Variants in ARHGAP42 observed in about 807,000 individuals in gnomAD.
The protein encoded by ARHGAP42 is rho GTPase-activating protein 42.
Under a neutral mutation model 125.0 loss-of-function variants are expected in ARHGAP42, and 63 were observed. The ratio of observed to expected loss-of-function variants is 0.50; its 90% CI spans 0.41 to 0.62. The LOEUF (loss-of-function observed/expected upper bound fraction) is 0.62. Ranked by LOEUF, ARHGAP42 falls within the 20% of genes least tolerant of loss-of-function variation. ARHGAP42 has a pLI of 0.00. For synonymous variants in ARHGAP42, 339 were observed against 351.0 expected (o/e 0.97, Z 0.38); for missense variants, 766 against 1,024.2 (o/e 0.75, Z 3.44).
intron 16 of ARHGAP42, among the ~76,000 whole-genome samples, chr11:100,963,150 C>T (rs1020642137): frequency 2.0e-5 from 3 of 152,318 alleles, no homozygotes; most frequent in Non-Finnish European, 4.4e-5. Context: ...GTGCTGTATT[C>T]CTCAATCTGG....
At chr11:100,876,988 C>T (rs1052732962) in intron 4 of ARHGAP42, among the ~76,000 whole-genome samples, 1 of 152,026 alleles carries the variant, frequency 6.6e-6, no homozygotes, top group African/African-American at 2.4e-5. Flanking sequence ...CTGTAGAAAC[C>T]CAGTGAGAAG....
At chr11:100,914,509 GAACAACAACAAC>G (rs138419731) in intron 5 of ARHGAP42, among the ~76,000 whole-genome samples, 5 of 150,908 alleles carry the variant, frequency 3.3e-5, no homozygotes, top group African/African-American at 1.2e-4. Context: ...GTCACCTTGA[GAACAACAACAAC>G]AACAACAACA....
At chr11:100,913,367 A>G (rs1370987632) in intron 4 of ARHGAP42, 85 bp from the exon 5 acceptor site, 9 of 442,900 alleles carry the variant, frequency 2.0e-5, no homozygotes, top group South Asian at 7.3e-5. Flanking sequence ...AAATAATTAC[A>G]TGGGACTTTG....
At chr11:100,723,910 C>T (rs150920534) in intron 1 of ARHGAP42, among the ~76,000 whole-genome samples, 1 of 152,112 alleles carries the variant, frequency 6.6e-6, no homozygotes, top group African/African-American at 2.4e-5. Flanking sequence ...TCATCTTTAT[C>T]AAATTGAGGA....
chr11:100,838,746 TA>T (rs1032984378), intron 3 of ARHGAP42, among the ~76,000 whole-genome samples: 117 of 152,146 alleles, frequency 7.7e-4, no homozygotes, highest in Admixed American at 1.4e-3. Flanking sequence ...TCATAGTGTT[TA>T]AAAAAATCTA....
chr11:100,716,164 C>T (rs1271391731), intron 1 of ARHGAP42, among the ~76,000 whole-genome samples: 2 of 152,194 alleles, frequency 1.3e-5, no homozygotes, highest in East Asian at 1.9e-4. Context: ...CCGTAAGCTT[C>T]ATGGGGACTT....
At chr11:100,837,663 ATCCTT>A (rs1273750868) in intron 3 of ARHGAP42, among the ~76,000 whole-genome samples, 80 of 35,380 alleles carry the variant, frequency 2.3e-3, no homozygotes, top group African/African-American at 3.7e-3. Flanking sequence ...TCTAGGTGTC[ATCCTT>A]TTTTTTTTTT....
chr11:100,877,968 G>A (rs1865863444), intron 4 of ARHGAP42, among the ~76,000 whole-genome samples: 2 of 135,290 alleles, frequency 1.5e-5, no homozygotes, highest in Admixed American at 8.2e-5. Flanking sequence ...TCATACCACT[G>A]CACTCCAGCC....
intron 22 of ARHGAP42, among the ~76,000 whole-genome samples, chr11:100,983,069 C>T (rs535747): frequency 0.26 from 39,457 of 152,032 alleles, 6,332 homozygotes; most frequent in East Asian, 0.7. Context: ...AAATTTGGTG[C>T]ACAGCCTTCT....
intron 3 of ARHGAP42, among the ~76,000 whole-genome samples, chr11:100,849,792 T>C (rs1036823661): frequency 6.6e-6 from 1 of 152,204 alleles, no homozygotes; most frequent in African/African-American, 2.4e-5. Context: ...TTTTCTTAGC[T>C]GTACAAGTTC....
In ARHGAP42 at chr11:100,775,895, C is replaced by T. The variant is rs528110159; in HGVS notation, c.250+5457C>T. On this transcript the variant is annotated intron_variant, in intron 2 of 23. Coordinates refer to ENST00000298815, the MANE Select transcript of ARHGAP42 (RefSeq NM_152432.4). The stretch of plus-strand genomic sequence containing the variant: ...GATATTGTGGCCGGGTACGGTGGCT[C>T]ACGCTTGTAATCCCAGCACTTTGGG... Among the ~76,000 whole-genome samples, 22 of 152,244 alleles carry T rather than the reference C, an allele frequency of 1.4e-4. No individual in the cohort carries two copies. The South Asian group carries it at 4.4e-3, about 30-fold the overall frequency.
At chr11:100,748,614 C>T (rs949670990) in intron 1 of ARHGAP42, among the ~76,000 whole-genome samples, 1 of 143,798 alleles carries the variant, frequency 7.0e-6, no homozygotes, top group African/African-American at 2.4e-5. Context: ...ATGAGGTGTG[C>T]TCACAATGAG....
At chr11:100,863,055 A>T (rs1439876421) in intron 4 of ARHGAP42, among the ~76,000 whole-genome samples, 3 of 60,130 alleles carry the variant, frequency 5.0e-5, no homozygotes, top group Non-Finnish European at 6.5e-5. Context: ...AAAAAAAAAC[A>T]CAAAACACAC....
At chr11:100,924,364 G>A (rs1425410139) in intron 6 of ARHGAP42, among the ~76,000 whole-genome samples, 1 of 151,980 alleles carries the variant, frequency 6.6e-6, no homozygotes, top group Non-Finnish European at 1.5e-5. Context: ...GTATTCATGT[G>A]CTATTAAGAA....
intron 1 of ARHGAP42, among the ~76,000 whole-genome samples, chr11:100,690,892 G>T (rs781115929): frequency 2.0e-5 from 3 of 152,056 alleles, no homozygotes; most frequent in Non-Finnish European, 2.9e-5. Context: ...GAGCCACCGC[G>T]CCCGGCCAAC....
chr11:100,699,441 A>G (rs1032255594), intron 1 of ARHGAP42, among the ~76,000 whole-genome samples: 1 of 140,914 alleles, frequency 7.1e-6, no homozygotes, highest in African/African-American at 2.6e-5. Context: ...AGAGAGATTA[A>G]TGATTTTTTT....
intron 5 of ARHGAP42, among the ~76,000 whole-genome samples, chr11:100,918,041 C>T (rs1039146373): frequency 3.3e-5 from 5 of 152,154 alleles, no homozygotes; most frequent in Admixed American, 2.0e-4. Flanking sequence ...TTACTATATG[C>T]TGCACTGTCT....
chr11:100,697,244 G>A (rs1296064191), intron 1 of ARHGAP42, among the ~76,000 whole-genome samples: 1 of 151,802 alleles, frequency 6.6e-6, no homozygotes, highest in African/African-American at 2.4e-5. Flanking sequence ...GTGCAGTGGC[G>A]CCATCTCGGC....
At chr11:100,718,285 A>G (rs916690443) in intron 1 of ARHGAP42, among the ~76,000 whole-genome samples, 18 of 152,208 alleles carry the variant, frequency 1.2e-4, no homozygotes, top group Non-Finnish European at 2.9e-5. Flanking sequence ...CCCATTGTGA[A>G]TAGCTCTTGA....
Sources: gnomAD v4.1 joint callset for allele counts (sites outside exome capture counted in the v4.1 genomes callset) on GRCh38, gnomAD v4.1.1 for gene constraint, MANE v1.5 for transcripts, NCBI Gene and HGNC (gene_info 2026-07-23, HGNC 2026-07-21) for gene names.